ADGRE2: variants seen among roughly 807,000 people sequenced by gnomAD.
ADGRE2 encodes adhesion G protein-coupled receptor E2, also known as CD97 antigen.
In ADGRE2, 83 loss-of-function variants were observed where a neutral mutation model predicts 100.8. The observed-to-expected ratio is 0.82, with a 90% CI of 0.69 to 0.99. The LOEUF (loss-of-function observed/expected upper bound fraction) is 0.99. Ranked by LOEUF, ADGRE2 falls within the 50% of genes least tolerant of loss-of-function variation. The pLI is 0.00. For synonymous variants in ADGRE2, 355 were observed against 413.0 expected (o/e 0.86, Z 1.70); for missense variants, 814 against 1,035.7 (o/e 0.79, Z 2.94).
rs769792500 is a variant in ADGRE2, at chr19:14,765,703, G to A, written c.736C>T (p.Pro246Ser). 6.2e-7 allele frequency: 1 copy of A among 1,613,356 alleles called. No individual in the cohort carries two copies. The highest frequency in any genetic ancestry group is 8.5e-7 in the Non-Finnish European group (1 of 1,179,466). ...YSCRCRPGWK[P>S]RHGIPNNQKD... ...TGGTTATTCGGGATTCCGTGTCTGG[G>A]CTTCCAGCCTGGGCGGCAGCGGCAG... The change falls in exon 8 of 21, where the codon CCC (proline) becomes TCC (serine). Residue 246 changes from proline (P) to serine (S), a missense_variant. By Grantham distance (74) the Pro-to-Ser change is moderately conservative. This residue lies in a region of ADGRE2 where 19 missense variants were observed against 64.7 expected (regional missense o/e 0.29). Coordinates refer to ENST00000315576, the MANE Select transcript of ADGRE2 (RefSeq NM_013447.4).
intron 2 of ADGRE2, 114 bp downstream of exon 2, chr19:14,776,612 T>C (rs1015726896): frequency 8.8e-6 from 11 of 1,251,072 alleles, no homozygotes; most frequent in African/African-American, 3.0e-5. Flanking sequence ...CATGTGGCTT[T>C]CTCCATCGCC....
intron 2 of ADGRE2, among the ~76,000 whole-genome samples, chr19:14,776,230 A>C (rs1408560196): frequency 6.6e-6 from 1 of 152,068 alleles, no homozygotes; most frequent in African/African-American, 2.4e-5. Flanking sequence ...GATTAGGGAG[A>C]TAGAGAGACT....
At chr19:14,728,129 C>T (rs2524361), downstream of ADGRE2, among the ~76,000 whole-genome samples, 41,722 of 151,978 alleles carry the variant, frequency 0.27, 5,959 homozygotes, top group Middle Eastern at 0.38. Context: ...AGGAGAATGG[C>T]GTGAGCCTGG....
At chr19:14,770,678 T>TCTTTTC (rs1568623241) in intron 5 of ADGRE2, among the ~76,000 whole-genome samples, 11 of 121,346 alleles carry the variant, frequency 9.1e-5, no homozygotes, top group South Asian at 3.0e-4. Flanking sequence ...TCTTTTTTTT[T>TCTTTTC]TTTTTTTTTT....
At chr19:14,769,182 G>C (rs1013050574) in intron 5 of ADGRE2, among the ~76,000 whole-genome samples, 2 of 151,836 alleles carry the variant, frequency 1.3e-5, no homozygotes, top group African/African-American at 4.8e-5. Flanking sequence ...TTGAGGCCAG[G>C]AGTTCGAGAC....
At chr19:14,749,606 A>G (rs2732808) in intron 16 of ADGRE2, among the ~76,000 whole-genome samples, 6,878 of 24,368 alleles carry the variant, frequency 0.28, 779 homozygotes, top group African/African-American at 0.52. Context: ...GCTATGTTAT[A>G]TAATTATTTA....
chr19:14,770,065 G>T (rs1283745193), intron 5 of ADGRE2, among the ~76,000 whole-genome samples: 1 of 152,144 alleles, frequency 6.6e-6, no homozygotes, highest in East Asian at 1.9e-4. Context: ...TGTGCATGCG[G>T]TGATACAGTT....
intron 1 of ADGRE2, among the ~76,000 whole-genome samples, chr19:14,777,654 C>G (rs2044487058): frequency 6.6e-6 from 1 of 151,126 alleles, no homozygotes; most frequent in Admixed American, 6.6e-5. Flanking sequence ...AGGCCCCCAC[C>G]CCCCGACAGG....
At chr19:14,776,500 G>C in intron 2 of ADGRE2, 1 of 587,038 alleles carries the variant, frequency 1.7e-6, no homozygotes, top group South Asian at 2.0e-5. Context: ...CCTCCGGGCA[G>C]GGTAGCAGGC....
At chr19:14,744,778 T>C (rs977313267) in intron 18 of ADGRE2, among the ~76,000 whole-genome samples, 1 of 151,550 alleles carries the variant, frequency 6.6e-6, no homozygotes, top group African/African-American at 2.4e-5. Flanking sequence ...TAATGTTGAT[T>C]AGGATTTTCC....
At chr19:14,729,360 C>CTT (rs59225167), downstream of ADGRE2, among the ~76,000 whole-genome samples, 2 of 146,920 alleles carry the variant, frequency 1.4e-5, no homozygotes, top group African/African-American at 5.0e-5. Flanking sequence ...AAACGATACA[C>CTT]TTTTTTTTTT....
At chr19:14,756,082 C>A (rs1385654210) in intron 12 of ADGRE2, among the ~76,000 whole-genome samples, 156 bp downstream of exon 12, 1 of 152,208 alleles carries the variant, frequency 6.6e-6, no homozygotes, top group Non-Finnish European at 1.5e-5. Flanking sequence ...GGGTCCCCAA[C>A]AAGGTCCGTT....
At chr19:14,736,319 T>C in intron 20 of ADGRE2, 75 bp from the exon 21 acceptor site, 2 of 983,014 alleles carry the variant, frequency 2.0e-6, no homozygotes, top group Non-Finnish European at 3.1e-6. Context: ...TGGAGTGCAA[T>C]GGCGCAGCCT....
intron 15 of ADGRE2, among the ~76,000 whole-genome samples, chr19:14,751,887 A>G (rs1351937932): frequency 6.8e-6 from 1 of 147,352 alleles, no homozygotes; most frequent in African/African-American, 2.5e-5. Context: ...GTGTATATAT[A>G]CGTATACACA....
chr19:14,756,077 C>T (rs1393874778), intron 12 of ADGRE2, among the ~76,000 whole-genome samples, 161 bp downstream of exon 12: 1 of 152,186 alleles, frequency 6.6e-6, no homozygotes, highest in Non-Finnish European at 1.5e-5. Context: ...TCTCAGGGTC[C>T]CCAACAAGGT....
intron 16 of ADGRE2, among the ~76,000 whole-genome samples, chr19:14,748,013 G>A (rs1355169669): frequency 6.6e-6 from 1 of 152,124 alleles, no homozygotes; most frequent in Non-Finnish European, 1.5e-5. Flanking sequence ...GGTACATTTT[G>A]TAGGTTTGTT....
At position 14,763,643 on chromosome 19, in the gene ADGRE2, C is replaced by T. The variant is rs1408451048; in HGVS notation, c.1084+790G>A. Among the ~76,000 whole-genome samples the T allele has an allele frequency of 7.4e-5, 8 of 107,794 alleles. No homozygotes were observed. In the East Asian group the frequency reaches 1.6e-3, roughly 22 times the overall value. The allele number at this position is 107,794 out of a possible 152,430, so 70.7% of individuals were successfully genotyped here. On this transcript the variant is annotated intron_variant, in intron 11 of 20. Transcript: ENST00000315576. ...TGTGCTCCTCCTCCTCTCCTCCTCT[C>T]CTCCGCTCTTTCTCGTCTCCTCCTC...
intron 20 of ADGRE2, among the ~76,000 whole-genome samples, chr19:14,742,943 A>C (rs1435299163): frequency 7.2e-6 from 1 of 139,360 alleles, no homozygotes; most frequent in Admixed American, 7.0e-5. Context: ...TTTTTTTTTT[A>C]ATTTTTGGGA....
At chr19:14,742,258 A>G (rs1322222107) in intron 20 of ADGRE2, among the ~76,000 whole-genome samples, 1 of 152,162 alleles carries the variant, frequency 6.6e-6, no homozygotes, top group Non-Finnish European at 1.5e-5. Flanking sequence ...TCTAGAGAAG[A>G]GGTCTTGCTG....
Sources: gnomAD v4.1 joint callset for allele counts (sites outside exome capture counted in the v4.1 genomes callset) on GRCh38, gnomAD v4.1.1 for gene constraint, gnomAD v4.1.1 regional missense constraint, MANE v1.5 for transcripts, NCBI Gene and HGNC (gene_info 2026-07-23, HGNC 2026-07-21) for gene names.